The following FSD2 variants were observed in gnomAD, a reference collection of about 807,000 sequenced individuals.
The protein encoded by FSD2 is fibronectin type III and SPRY domain-containing protein 2.
In FSD2, 71 loss-of-function variants were observed where a neutral mutation model predicts 80.4. That is an observed-to-expected ratio of 0.88 (90% confidence interval 0.73 to 1.08). The LOEUF is 1.08. Ranked by LOEUF, FSD2 falls within the 50% of genes least tolerant of loss-of-function variation. The pLI, the probability that FSD2 is intolerant of heterozygous loss-of-function variation, is 0.00. For missense variants in FSD2, 923 were observed against 913.8 expected, an observed-to-expected ratio of 1.01 and a Z score of -0.13; for synonymous variants, 361 against 329.5, an observed-to-expected ratio of 1.10 and a Z score of -1.03.
chr15:82,791,616 C>T lies in FSD2; in HGVS notation c.-78-4148G>A, dbSNP rs559748670. ...TTGAACTCCTGAGTTCAAGGGATTGCCCACCTCAGCCTCCCAAAGTGCTGA... is the reference window on the plus strand; with the variant it reads ...TTGAACTCCTGAGTTCAAGGGATTGTCCACCTCAGCCTCCCAAAGTGCTGA... On this transcript the variant is annotated intron_variant, in intron 1 of 12. Coordinates refer to ENST00000334574, the MANE Select transcript of FSD2 (RefSeq NM_001007122.4). Among the ~76,000 whole-genome samples, 3 of 152,094 alleles carry T rather than the reference C, an allele frequency of 2.0e-5. No homozygotes were observed. In the South Asian group the frequency reaches 6.2e-4, roughly 32 times the overall value.
At chr15:82,769,942 C>G (rs963178650) in intron 7 of FSD2, 58 bp from the exon 8 acceptor site, 56 of 1,598,384 alleles carry the variant, frequency 3.5e-5, no homozygotes, top group Non-Finnish European at 4.6e-5. Flanking sequence ...GGCTCCAATT[C>G]ATTATGCCGA....
intron 1 of FSD2, among the ~76,000 whole-genome samples, chr15:82,794,786 G>A (rs558502967): frequency 4.0e-5 from 6 of 149,996 alleles, no homozygotes; most frequent in East Asian, 3.9e-4. Flanking sequence ...GTTCAGCGGC[G>A]CGATCTCGGC....
intron 6 of FSD2, among the ~76,000 whole-genome samples, chr15:82,773,988 C>T (rs978327085): frequency 2.6e-5 from 4 of 152,092 alleles, no homozygotes; most frequent in African/African-American, 9.7e-5. Context: ...TCATGTTGTT[C>T]AGTGTTGGTG....
chr15:82,764,492 C>CTTTTTTTTTTGTTTTTTTTTTT (rs2049362832), intron 11 of FSD2, among the ~76,000 whole-genome samples: 1 of 86,180 alleles, frequency 1.2e-5, no homozygotes, highest in Non-Finnish European at 2.2e-5. Flanking sequence ...TCTTTACTTG[C>CTTTTTTTTTTGTTTTTTTTTTT]TTTTTTTTTT....
chr15:82,764,506 T>C (rs2049365596), intron 11 of FSD2, among the ~76,000 whole-genome samples: 1 of 144,800 alleles, frequency 6.9e-6, no homozygotes, highest in Admixed American at 6.9e-5. Flanking sequence ...TTTTTTTTTT[T>C]TTTTTTGAGA....
intron 7 of FSD2, among the ~76,000 whole-genome samples, chr15:82,770,099 G>T (rs2049528827): frequency 6.6e-6 from 1 of 152,162 alleles, no homozygotes; most frequent in Non-Finnish European, 1.5e-5. Flanking sequence ...TATGTGACTA[G>T]CTTTGGTCAA....
chr15:82,778,907 T>G lies in FSD2; in HGVS notation c.990-20A>C. On this transcript the variant is annotated intron_variant, in intron 5 of 12. Coordinates refer to ENST00000334574, the MANE Select transcript of FSD2 (RefSeq NM_001007122.4). ...CCGAGTCTGTTGGTATAAAAAGACA[T>G]GCTGACTAGAATGGAGGGGCATTCT... 1 of 1,613,760 alleles carries G rather than the reference T, an allele frequency of 6.2e-7. No homozygotes were observed. The highest frequency in any genetic ancestry group is 8.5e-7 in the Non-Finnish European group (1 of 1,179,726).
chr15:82,769,064 G>A, intron 8 of FSD2, 34 bp from the exon 9 acceptor site: 1 of 1,503,566 alleles, frequency 6.7e-7, no homozygotes, highest in Non-Finnish European at 8.9e-7. Context: ...ATGAACAACT[G>A]TTGTGTTCAT....
chr15:82,762,385 T>G, intron 11 of FSD2, 107 bp from the exon 12 acceptor site: 1 of 993,214 alleles, frequency 1.0e-6, no homozygotes, highest in Non-Finnish European at 1.5e-6. Flanking sequence ...TCTACGAACG[T>G]GGTGGTAGGT....
intron 1 of FSD2, among the ~76,000 whole-genome samples, chr15:82,801,818 A>T (rs2151545349): frequency 6.6e-6 from 1 of 152,288 alleles, no homozygotes; most frequent in East Asian, 1.9e-4. Flanking sequence ...AGATACCATG[A>T]CCATGCAGGA....
At chr15:82,780,036 C>G (rs2049815894) in intron 5 of FSD2, among the ~76,000 whole-genome samples, 1 of 152,030 alleles carries the variant, frequency 6.6e-6, no homozygotes, top group Non-Finnish European at 1.5e-5. Context: ...CCTCACCGTA[C>G]ACGCTCCCTA....
chr15:82,787,976 C>T (rs1180751887), intron 1 of FSD2, among the ~76,000 whole-genome samples: 1 of 151,940 alleles, frequency 6.6e-6, no homozygotes, highest in African/African-American at 2.4e-5. Context: ...GACGGGTTTT[C>T]ACTATGTTGG....
chr15:82,781,622 A>G (rs1481685879), intron 4 of FSD2, among the ~76,000 whole-genome samples: 3 of 152,152 alleles, frequency 2.0e-5, no homozygotes, highest in Non-Finnish European at 4.4e-5. Context: ...AAATTAGGAA[A>G]TGGATTTTTT....
intron 1 of FSD2, among the ~76,000 whole-genome samples, chr15:82,794,580 G>A (rs961591064): frequency 8.5e-5 from 13 of 152,114 alleles, no homozygotes; most frequent in Non-Finnish European, 1.9e-4. Context: ...ACTGAAAGCA[G>A]AGTATTGAAG....
intron 8 of FSD2, 36 bp downstream of exon 8, chr15:82,769,714 T>A: frequency 6.3e-7 from 1 of 1,582,896 alleles, no homozygotes; most frequent in South Asian, 1.1e-5. Flanking sequence ...TCCGCTTGAA[T>A]GAAAGCCCTG....
In FSD2 at chr15:82,757,374, A is replaced by G. The variant is rs2049197256; in HGVS notation, c.*1974T>C. ...AACTTTTTTTTTTTTTTTTTTTGAG[A>G]TGGAGTCTTGATCTGTGAGCCATCT... On this transcript the variant is annotated 3_prime_UTR_variant, in exon 13 of 13. Transcript: ENST00000334574. 1 of 112,284 alleles carries G rather than the reference A, an allele frequency of 8.9e-6. No individual in the cohort carries two copies. Among genetic ancestry groups the G allele is most frequent in the African/African-American group, 3.6e-5 (1 of 27,912 alleles). 7.0% of individuals were successfully genotyped at this position (112,284 alleles called of 1,614,324 possible).
chr15:82,774,027 G>A (rs2049652930), intron 6 of FSD2, among the ~76,000 whole-genome samples: 1 of 152,154 alleles, frequency 6.6e-6, no homozygotes, highest in Non-Finnish European at 1.5e-5. Context: ...GTTGAAAAAT[G>A]AGGAATTACA....
intron 9 of FSD2, among the ~76,000 whole-genome samples, chr15:82,766,466 G>T (rs1033531000): frequency 6.6e-6 from 1 of 152,168 alleles, no homozygotes; most frequent in Non-Finnish European, 1.5e-5. Flanking sequence ...ATTCAGCCAG[G>T]TGCAATGGCT....
chr15:82,786,543 T>G lies in FSD2; in HGVS notation c.703A>C (p.Asn235His), dbSNP rs761371447. The G allele has an allele frequency of 2.5e-6, 4 of 1,613,624 alleles. No individual in the cohort carries two copies. The South Asian group carries it at 4.4e-5, about 18-fold the overall frequency. The change falls in exon 3 of 13, where the codon AAT becomes CAT. Residue 235 changes from asparagine to histidine, a missense_variant. By Grantham distance (68) the Asn-to-His change is moderately conservative. Transcript: ENST00000334574. Reference protein sequence around the residue: ...KQIIEMENFANHLEEVFITVE... With the variant: ...KQIIEMENFAHHLEEVFITVE... ...GTGATGAAAACCTCCTCCAAATGAT[T>G]TGCAAAGTTTTCCATCTCAATTATC... is the stretch of plus-strand genomic sequence containing the variant.
Sources: allele counts gnomAD v4.1 joint callset (sites outside exome capture counted in the v4.1 genomes callset), GRCh38; gene constraint gnomAD v4.1.1; transcripts MANE v1.5; gene names NCBI Gene and HGNC (gene_info 2026-07-23, HGNC 2026-07-21).